The following FHAD1 variants were observed in gnomAD, a reference collection of about 807,000 sequenced individuals.
The protein encoded by FHAD1 is forkhead associated phosphopeptide binding domain 1, also known as forkhead-associated domain-containing protein 1.
Under a neutral mutation model 191.3 loss-of-function variants are expected in FHAD1, and 146 were observed. The ratio of observed to expected loss-of-function variants is 0.76; its 90% CI spans 0.67 to 0.88. FHAD1 has a LOEUF of 0.88. FHAD1 is among the 40% of genes least tolerant of loss of function. The pLI, the probability that FHAD1 is intolerant of heterozygous loss-of-function variation, is 0.00. For missense variants in FHAD1, 1,635 were observed against 1,785.8 expected (o/e 0.92, Z 1.52); for synonymous variants, 616 against 672.3 (o/e 0.92, Z 1.29).
intron 27 of FHAD1, among the ~76,000 whole-genome samples, chr1:15,374,858 T>TC (rs1558266588): frequency 2.7e-5 from 3 of 112,054 alleles, no homozygotes; most frequent in African/African-American, 9.6e-5. Flanking sequence ...GTTTTTTTTT[T>TC]TGTTTGTTTT....
intron 20 of FHAD1, among the ~76,000 whole-genome samples, chr1:15,356,698 C>G (rs1191588492): frequency 1.3e-5 from 2 of 151,922 alleles, no homozygotes; most frequent in Non-Finnish European, 2.9e-5. Context: ...ATGGCAAAAC[C>G]GCATCTCTGC....
chr1:15,388,122 A>G lies in FHAD1; in HGVS notation c.4260A>G (p.Lys1420=). ...STPCNCAFKE[K]DRQRRVFVEM... Reference sequence around the variant, plus strand: ...CTTGCAACTGTGCCTTCAAAGAGAAAGACAGGCAGGTATGGGAGGTGTTCT... The same window carrying G: ...CTTGCAACTGTGCCTTCAAAGAGAAGGACAGGCAGGTATGGGAGGTGTTCT... The change falls in exon 32 of 34, where the codon AAA becomes AAG. Residue 1420 remains lysine (K), a synonymous_variant. Coordinates refer to ENST00000688493, the MANE Select transcript of FHAD1 (RefSeq NM_001391957.1). 1 of 1,289,552 alleles carries G rather than the reference A, an allele frequency of 7.8e-7. No homozygotes were observed. The highest frequency in any genetic ancestry group is 1.0e-6 in the Non-Finnish European group (1 of 988,602). The allele number at this position is 1,289,552 out of a possible 1,614,324, so 79.9% of individuals were successfully genotyped here. A position where few individuals can be genotyped will look rare whatever the true frequency, so the allele number is the denominator to read the frequency against.
At chr1:15,282,258 C>A (rs1660872546) in intron 3 of FHAD1, among the ~76,000 whole-genome samples, 1 of 152,148 alleles carries the variant, frequency 6.6e-6, no homozygotes, top group Non-Finnish European at 1.5e-5. Context: ...CTGGGTCCAG[C>A]CAGTGCTATG....
intron 31 of FHAD1, chr1:15,383,705 G>A (rs1381751858): frequency 2.0e-5 from 6 of 301,660 alleles, no homozygotes; most frequent in African/African-American, 4.3e-5. Flanking sequence ...CTTCATGACC[G>A]TCTCCAGGCC....
Position 15,389,738 on chromosome 1 carries a change from G to A in FHAD1, c.4270-1472G>A, listed in dbSNP as rs556583888. 1.6e-4 allele frequency among the ~76,000 whole-genome samples: 25 copies of A among 152,058 alleles called. No individual in the cohort carries two copies. In the South Asian group the frequency reaches 5.2e-3, roughly 32 times the overall value. ...TGACTCACTGTCCCCGTGGGTCTGG[G>A]GAATGCCAAATGGGGTTGCCAGATT... On this transcript the variant is annotated intron_variant, in intron 32 of 33. Transcript: ENST00000688493.
intron 3 of FHAD1, among the ~76,000 whole-genome samples, chr1:15,272,959 T>A (rs1203895294): frequency 6.6e-6 from 1 of 152,186 alleles, no homozygotes; most frequent in Non-Finnish European, 1.5e-5. Context: ...ATCAAGAGAA[T>A]GTCTGTAGAG....
Position 15,397,699 on chromosome 1 carries a change from G to A in FHAD1, c.*286G>A, listed in dbSNP as rs765077627. On this transcript the variant is annotated 3_prime_UTR_variant, in exon 34 of 34. Coordinates refer to ENST00000688493, the MANE Select transcript of FHAD1 (RefSeq NM_001391957.1). ...TGGTAGATATAATTATGTGGTCCAC[G>A]TTGGGTCATGATGTTCCCAAATATC... The A allele has an allele frequency of 2.4e-5, 5 of 207,654 alleles. No homozygotes were observed. The highest frequency in any genetic ancestry group is 5.8e-5 in the Admixed American group (1 of 17,126). The allele number at this position is 207,654 out of a possible 1,614,324, so 12.9% of individuals were successfully genotyped here.
At chr1:15,320,108 C>G (rs1675785393) in intron 10 of FHAD1, among the ~76,000 whole-genome samples, 1 of 152,054 alleles carries the variant, frequency 6.6e-6, no homozygotes, top group Non-Finnish European at 1.5e-5. Context: ...CTTCTTTCAC[C>G]CATGGGTTAC....
intron 28 of FHAD1, among the ~76,000 whole-genome samples, chr1:15,376,093 T>A (rs150765462): frequency 8.6e-4 from 110 of 128,510 alleles, no homozygotes; most frequent in Middle Eastern, 4.1e-3. Context: ...TTATTTATTT[T>A]TTTATTTATT....
intron 22 of FHAD1, among the ~76,000 whole-genome samples, chr1:15,360,977 C>T (rs946125850): frequency 1.3e-5 from 2 of 152,154 alleles, no homozygotes; most frequent in African/African-American, 2.4e-5. Context: ...TCAGGGCCAG[C>T]GAGGGCAGCG....
chr1:15,327,116 C>T lies in FHAD1; in HGVS notation c.1531C>T (p.Arg511Trp), dbSNP rs1487960230. The change falls in exon 12 of 34, where the codon CGG becomes TGG. Residue 511 changes from arginine to tryptophan, a missense_variant. By Grantham distance (101) the Arg-to-Trp change is moderately radical. Transcript: ENST00000688493. The surrounding 1 kb of genome is among the most constrained non-coding windows in gnomAD (Gnocchi z 5.1). ...KATYGRAKPF[R>W]DKPVTDQQLI... Reference sequence around the variant, plus strand: ...CACCTATGGACGGGCGAAGCCGTTCCGGGACAAGCCCGTCACCGACCAACA... The same window carrying T: ...CACCTATGGACGGGCGAAGCCGTTCTGGGACAAGCCCGTCACCGACCAACA... 8.4e-6 allele frequency: 13 copies of T among 1,551,344 alleles called. No homozygotes were observed. The highest frequency in any genetic ancestry group is 1.7e-4 in the Middle Eastern group (1 of 5,992).
At chr1:15,390,538 C>G (rs1378373318) in intron 32 of FHAD1, among the ~76,000 whole-genome samples, 1 of 151,928 alleles carries the variant, frequency 6.6e-6, no homozygotes, top group Non-Finnish European at 1.5e-5. Flanking sequence ...CTTCCTGGCC[C>G]CTGTAGGCAT....
At chr1:15,369,544 G>A (rs1697500319) in intron 26 of FHAD1, 42 bp downstream of exon 26, 2 of 1,547,198 alleles carry the variant, frequency 1.3e-6, no homozygotes, top group East Asian at 4.9e-5. Context: ...GATGTGCAAA[G>A]ACACAGCCCA....
At position 15,251,814 on chromosome 1, in the gene FHAD1, C is replaced by T. The variant is rs753883460; in HGVS notation, c.30C>T (p.Gly10=). Residue 10 remains glycine, a synonymous_variant, in exon 2 of 34, where the codon GGC becomes GGT. Coordinates refer to ENST00000688493, the MANE Select transcript of FHAD1 (RefSeq NM_001391957.1). ...AGGCCTATCTAAAGAGCGCAGAAGG[C>T]TTTTTTGTCCTAAATAAAAGTACCA... MKAYLKSAE[G]FFVLNKSTTI... is the part of the protein sequence containing the mutation. 3 of 1,552,166 alleles carry T rather than the reference C, an allele frequency of 1.9e-6. No homozygotes were observed. The South Asian group carries it at 3.6e-5, about 18-fold the overall frequency.
intron 1 of FHAD1, among the ~76,000 whole-genome samples, chr1:15,250,370 A>C (rs963111640): frequency 2.0e-5 from 3 of 152,256 alleles, no homozygotes; most frequent in African/African-American, 4.8e-5. Context: ...CACAATATAA[A>C]ATGGATGGAC....
chr1:15,253,604 A>T (rs1240794964), intron 2 of FHAD1, among the ~76,000 whole-genome samples: 1 of 152,132 alleles, frequency 6.6e-6, no homozygotes, highest in Non-Finnish European at 1.5e-5. Context: ...TATACTTTAA[A>T]TTTCAGTGGC....
intron 22 of FHAD1, among the ~76,000 whole-genome samples, chr1:15,361,820 C>A (rs1257953677): frequency 1.3e-5 from 2 of 152,042 alleles, no homozygotes; most frequent in Non-Finnish European, 2.9e-5. Context: ...TCCTGGCCAA[C>A]ATGGTGAAAC....
At chr1:15,391,484 C>T (rs552675858) in intron 33 of FHAD1, among the ~76,000 whole-genome samples, 19 of 152,220 alleles carry the variant, frequency 1.2e-4, no homozygotes, top group African/African-American at 4.6e-4. Flanking sequence ...TGAGCCACCG[C>T]GCCTGGCTGA....
At position 15,272,424 on chromosome 1, in the gene FHAD1, C is replaced by T. The variant is rs556223963; in HGVS notation, c.195C>T (p.Asn65=). The T allele has an allele frequency of 1.6e-4, 251 of 1,551,706 alleles. 3 individuals carry two copies. The South Asian group carries it at 2.6e-3, about 16-fold the overall frequency. The stretch of plus-strand genomic sequence containing the variant: ...ATTCCCGCAACGGCACGTTTGTCAA[C>T]GAGTGCCACATTCAAAACGTGGCTG... ...DFNSRNGTFV[N]ECHIQNVAVK... Residue 65 remains asparagine, a synonymous_variant, in exon 3 of 34, where the codon AAC becomes AAT. Coordinates refer to ENST00000688493, the MANE Select transcript of FHAD1 (RefSeq NM_001391957.1).
Sources: gnomAD v4.1 joint callset for allele counts (sites outside exome capture counted in the v4.1 genomes callset) on GRCh38, gnomAD v4.1.1 for gene constraint, Gnocchi (gnomAD v3.1) non-coding constraint, MANE v1.5 for transcripts, NCBI Gene and HGNC (gene_info 2026-07-23, HGNC 2026-07-21) for gene names.